The following EBF3 variants were observed in gnomAD, a reference collection of about 807,000 sequenced individuals.
The protein encoded by EBF3 is transcription factor COE3.
A neutral mutation model predicts 77.1 loss-of-function variants in EBF3; 18 were observed. That is an observed-to-expected ratio of 0.23 (90% CI 0.16 to 0.35). EBF3 has a LOEUF of 0.35. Among genes scored for constraint, EBF3 ranks in the 10% least tolerant of loss-of-function variants. EBF3 has a pLI of 1.00. For synonymous variants in EBF3, 350 were observed against 343.5 expected (o/e 1.02, Z -0.21); for missense variants, 558 against 860.0 (o/e 0.65, Z 4.39).
At chr10:129,920,647 T>C (rs1856231047) in intron 6 of EBF3, among the ~76,000 whole-genome samples, 1 of 152,226 alleles carries the variant, frequency 6.6e-6, no homozygotes, top group Admixed American at 6.5e-5. Flanking sequence ...ACTCCAGTGG[T>C]AAAACCCCGA....
chr10:129,854,778 A>T (rs1300585759), intron 10 of EBF3, among the ~76,000 whole-genome samples: 1 of 152,264 alleles, frequency 6.6e-6, no homozygotes, highest in African/African-American at 2.4e-5. Flanking sequence ...ATTTCTCAAT[A>T]AATTTGGCAA....
intron 6 of EBF3, among the ~76,000 whole-genome samples, chr10:129,941,421 T>G (rs1189006690): frequency 6.6e-6 from 1 of 152,094 alleles, no homozygotes; most frequent in Non-Finnish European, 1.5e-5. Context: ...CGCCTGGAGG[T>G]GGCCCAGCAG....
rs57252162 is a variant in EBF3, at chr10:129,889,802, C to CAAAA, written c.555-11957_555-11954dup. On this transcript the variant is annotated intron_variant, in intron 6 of 16. Transcript: ENST00000440978. The stretch of plus-strand genomic sequence containing the variant: ...TTTTCCCATGGCTATGTCACATCTG[C>CAAAA]AAAAAAAAAAAAAAAAAATGCAAAC... Among the ~76,000 whole-genome samples, 663 of 114,872 alleles carry CAAAA rather than the reference C, an allele frequency of 5.8e-3. 7 individuals are homozygous for CAAAA. Among genetic ancestry groups the CAAAA allele is most frequent in the South Asian group, 7.5e-3 (25 of 3,318 alleles). 75.4% of individuals were successfully genotyped at this position (114,872 alleles called of 152,430 possible).
At chr10:129,899,414 A>G (rs1428724596) in intron 6 of EBF3, among the ~76,000 whole-genome samples, 1 of 152,232 alleles carries the variant, frequency 6.6e-6, no homozygotes, top group Non-Finnish European at 1.5e-5. Flanking sequence ...CCGCCTCACC[A>G]TGGACTGTGC....
intron 8 of EBF3, 116 bp from the exon 9 acceptor site, chr10:129,868,028 C>T (rs1852153254): frequency 6.9e-7 from 1 of 1,441,444 alleles, no homozygotes; most frequent in Non-Finnish European, 9.3e-7. Context: ...GCCGTTCCTC[C>T]AGGCGGCACG....
Position 129,885,913 on chromosome 10 carries a change from G to A in EBF3, c.555-8064C>T, listed in dbSNP as rs547751085. Among the ~76,000 whole-genome samples, 5 of 152,102 alleles carry A rather than the reference G, an allele frequency of 3.3e-5. No homozygotes were observed. The highest frequency in any genetic ancestry group is 7.2e-5 in the African/African-American group (3 of 41,410). The stretch of plus-strand genomic sequence containing the variant: ...GTTTCAAGCCTCTCCCACCATACGC[G>A]TGTGTGTTTTTAGGGATCTGAAGAT... On this transcript the variant is annotated intron_variant, in intron 6 of 16. Coordinates refer to ENST00000440978, the MANE Select transcript of EBF3 (RefSeq NM_001375380.1). This position sits in a 1 kb window ranked among gnomAD's most constrained non-coding sequence, Gnocchi z 4.0.
rs1043022485 is a variant in EBF3, at chr10:129,943,072, C to G, written c.554+14186G>C. 1.3e-5 allele frequency among the ~76,000 whole-genome samples: 2 copies of G among 152,168 alleles called. No homozygotes were observed. The highest frequency in any genetic ancestry group is 4.8e-5 in the African/African-American group (2 of 41,422). On this transcript the variant is annotated intron_variant, in intron 6 of 16. Coordinates refer to ENST00000440978, the MANE Select transcript of EBF3 (RefSeq NM_001375380.1). This position sits in a 1 kb window ranked among gnomAD's most constrained non-coding sequence, Gnocchi z 8.8. ...CCGATTCCTGTCCTCCATTCTAAAC[C>G]ACTTTGCCTGCACGATGGGAATGAC...
In EBF3 at chr10:129,903,558, G is replaced by A. The variant is rs537937840; in HGVS notation, c.555-25709C>T. ...AAATTGTCAAGTACTAAACCTATTC[G>A]ATGAGGAAATGTATTAGAGAGATAC... On this transcript the variant is annotated intron_variant, in intron 6 of 16. Coordinates refer to ENST00000440978, the MANE Select transcript of EBF3 (RefSeq NM_001375380.1). Among the ~76,000 whole-genome samples the A allele has an allele frequency of 9.2e-4, 140 of 152,324 alleles. 1 individual carries two copies. The South Asian group carries it at 0.025, about 28-fold the overall frequency.
chr10:129,849,115 C>T (rs896058501), intron 10 of EBF3, among the ~76,000 whole-genome samples: 15 of 152,288 alleles, frequency 9.8e-5, no homozygotes, highest in African/African-American at 3.1e-4. Flanking sequence ...GAACTGTGCG[C>T]GGCCATAAAT....
At position 129,836,916 on chromosome 10, in the gene EBF3, C is replaced by A. The variant is rs928353167; in HGVS notation, c.*1027G>T. 1 of 152,584 alleles carries A rather than the reference C, an allele frequency of 6.6e-6. No individual in the cohort carries two copies. The highest frequency in any genetic ancestry group is 1.5e-5 in the Non-Finnish European group (1 of 68,036). 9.5% of individuals were successfully genotyped at this position (152,584 alleles called of 1,614,324 possible). On this transcript the variant is annotated 3_prime_UTR_variant, in exon 17 of 17. Coordinates refer to ENST00000440978, the MANE Select transcript of EBF3 (RefSeq NM_001375380.1). Reference sequence around the variant, plus strand: ...AGTGTCAAATGAAGACCATTTTATTCCTTATAAGACACATAAGGAATAAAA... The same window carrying A: ...AGTGTCAAATGAAGACCATTTTATTACTTATAAGACACATAAGGAATAAAA...
chr10:129,837,935 T>G lies in EBF3; in HGVS notation c.*8A>C. 6.2e-7 allele frequency: 1 copy of G among 1,614,130 alleles called. No homozygotes were observed. Among genetic ancestry groups the G allele is most frequent in the Non-Finnish European group, 8.5e-7 (1 of 1,180,022 alleles). ...GAAGGTAAACAGAAGTCCCTCACATTGGCGGGACTACCAGCCCAGACATAG... is the reference window on the plus strand; with the variant it reads ...GAAGGTAAACAGAAGTCCCTCACATGGGCGGGACTACCAGCCCAGACATAG... On this transcript the variant is annotated 3_prime_UTR_variant, in exon 17 of 17. Coordinates refer to ENST00000440978, the MANE Select transcript of EBF3 (RefSeq NM_001375380.1).
chr10:129,956,795 C>T (rs1232779303), intron 6 of EBF3, among the ~76,000 whole-genome samples: 1 of 152,218 alleles, frequency 6.6e-6, no homozygotes, highest in East Asian at 1.9e-4. Context: ...AATTAGGACA[C>T]ATTTTGCAAC....
intron 6 of EBF3, among the ~76,000 whole-genome samples, chr10:129,903,569 G>T (rs1854933409): frequency 6.6e-6 from 1 of 152,248 alleles, no homozygotes; most frequent in Non-Finnish European, 1.5e-5. Flanking sequence ...ATGAGGAAAT[G>T]TATTAGAGAG....
intron 15 of EBF3, among the ~76,000 whole-genome samples, chr10:129,839,953 C>T (rs988213927): frequency 1.1e-4 from 17 of 152,200 alleles, no homozygotes; most frequent in Non-Finnish European, 1.9e-4. Flanking sequence ...CCTTCTCTTA[C>T]GTGGTCCCAC....
chr10:129,881,001 G>A (rs969213187), intron 6 of EBF3, among the ~76,000 whole-genome samples: 2 of 152,190 alleles, frequency 1.3e-5, no homozygotes, highest in African/African-American at 2.4e-5. Flanking sequence ...AACATGTGAA[G>A]TCAAAAGGTA....
Position 129,843,277 on chromosome 10 carries a change from G to A in EBF3, c.1129-75C>T, listed in dbSNP as rs538289418. 151 of 1,484,266 alleles carry A rather than the reference G, an allele frequency of 1.0e-4. 1 individual carries two copies. Among genetic ancestry groups the A allele is most frequent in the Middle Eastern group, 1.7e-4 (1 of 5,834 alleles). The allele number at this position is 1,484,266 out of a possible 1,614,324, so 91.9% of individuals were successfully genotyped here. A position where few individuals can be genotyped will look rare whatever the true frequency, so the allele number is the denominator to read the frequency against. On this transcript the variant is annotated intron_variant, in intron 11 of 16. Coordinates refer to ENST00000440978, the MANE Select transcript of EBF3 (RefSeq NM_001375380.1). ...ATCACTGCCCTTCAGTACCAGTTCCGTCTGCGGGTGTGGAGACCAGTCCCC... is the reference window on the plus strand; with the variant it reads ...ATCACTGCCCTTCAGTACCAGTTCCATCTGCGGGTGTGGAGACCAGTCCCC...
intron 6 of EBF3, among the ~76,000 whole-genome samples, chr10:129,878,661 C>CAAAAAAAAAAA (rs538628576): frequency 8.6e-5 from 3 of 34,850 alleles, no homozygotes; most frequent in Non-Finnish European, 1.5e-4. Flanking sequence ...GGCTCTGTCT[C>CAAAAAAAAAAA]AAAAAAAAAA....
intron 6 of EBF3, among the ~76,000 whole-genome samples, chr10:129,910,658 C>A (rs1320969829): frequency 6.6e-6 from 1 of 152,120 alleles, no homozygotes; most frequent in Non-Finnish European, 1.5e-5. Context: ...TGGGTCCCCC[C>A]TTCTTTTCCC....
chr10:129,917,886 G>A (rs1466044302), intron 6 of EBF3, among the ~76,000 whole-genome samples: 2 of 152,172 alleles, frequency 1.3e-5, no homozygotes, highest in African/African-American at 2.4e-5. Context: ...AACAGTAGCA[G>A]ATAAGGTGTA....
Sources: gnomAD v4.1 joint callset for allele counts (sites outside exome capture counted in the v4.1 genomes callset) on GRCh38, gnomAD v4.1.1 for gene constraint, Gnocchi (gnomAD v3.1) non-coding constraint, MANE v1.5 for transcripts, NCBI Gene and HGNC (gene_info 2026-07-23, HGNC 2026-07-21) for gene names.